The following PTPRA variants were observed in gnomAD, a reference collection of about 807,000 sequenced individuals.
PTPRA encodes receptor-type tyrosine-protein phosphatase alpha.
PTPRA carries 25 observed loss-of-function variants against 104.8 expected under a neutral mutation model. That is an observed-to-expected ratio of 0.24 (90% confidence interval 0.17 to 0.33). PTPRA has a LOEUF of 0.33. Ranked by LOEUF, PTPRA falls within the 10% of genes least tolerant of loss-of-function variation. PTPRA has a pLI of 1.00. For synonymous variants in PTPRA, 323 were observed against 368.9 expected (o/e 0.88, Z 1.43); for missense variants, 765 against 1,015.3 (o/e 0.75, Z 3.35).
In PTPRA at chr20:3,037,769, C is replaced by T. The variant is rs557917398; in HGVS notation, c.2335-290C>T. On this transcript the variant is annotated intron_variant, in intron 23 of 23. Transcript: ENST00000399903. This position sits in a 1 kb window ranked among gnomAD's most constrained non-coding sequence, Gnocchi z 4.3. ...ATGCTAGCCTGGCAGCCATGGTAAG[C>T]GTGGGCCATGCTCAGCTGCACTGTC... Among the ~76,000 whole-genome samples, 4 of 152,268 alleles carry T rather than the reference C, an allele frequency of 2.6e-5. No individual in the cohort carries two copies. The highest frequency in any genetic ancestry group is 9.6e-5 in the African/African-American group (4 of 41,546).
At chr20:2,980,208 G>C (rs1023745473) in intron 6 of PTPRA, among the ~76,000 whole-genome samples, 1 of 151,880 alleles carries the variant, frequency 6.6e-6, no homozygotes, top group Admixed American at 6.5e-5. Flanking sequence ...CACCATGCCC[G>C]GCCAGTTTTT....
At chr20:2,905,758 C>T (rs534984496) in intron 1 of PTPRA, among the ~76,000 whole-genome samples, 2 of 140,428 alleles carry the variant, frequency 1.4e-5, no homozygotes, top group African/African-American at 5.3e-5. Flanking sequence ...GGTCTCAGCT[C>T]ACCACAACCT....
At position 3,026,652 on chromosome 20, in the gene PTPRA, G is replaced by A. The variant is rs781181560; in HGVS notation, c.1615-35G>A. On this transcript the variant is annotated intron_variant, in intron 17 of 23. Coordinates refer to ENST00000399903, the MANE Select transcript of PTPRA (RefSeq NM_001385305.1). ...TAATCTTGTCAAGTTCAGTTACTGGGATCAGTAATGTTTCCCCTCCCCTTC... is the reference window on the plus strand; with the variant it reads ...TAATCTTGTCAAGTTCAGTTACTGGAATCAGTAATGTTTCCCCTCCCCTTC... 34 of 1,504,458 alleles carry A rather than the reference G, an allele frequency of 2.3e-5. No individual in the cohort carries two copies. In the South Asian group the frequency reaches 3.5e-4, roughly 16 times the overall value. The allele number at this position is 1,504,458 out of a possible 1,614,324, so 93.2% of individuals were successfully genotyped here. A position where few individuals can be genotyped will look rare whatever the true frequency, so the allele number is the denominator to read the frequency against.
intron 11 of PTPRA, among the ~76,000 whole-genome samples, chr20:3,013,695 GC>G (rs2064294996): frequency 6.6e-6 from 1 of 152,092 alleles, no homozygotes; most frequent in Admixed American, 6.5e-5. Flanking sequence ...AGAGGCATGA[GC>G]CACCGCGCCC....
chr20:2,933,055 A>C (rs190904493), intron 2 of PTPRA, among the ~76,000 whole-genome samples: 82 of 152,378 alleles, frequency 5.4e-4, no homozygotes, highest in Non-Finnish European at 9.4e-4. Context: ...GGCACATGGC[A>C]TTATAGACTA....
intron 1 of PTPRA, among the ~76,000 whole-genome samples, chr20:2,895,924 G>A (rs1430251532): frequency 1.3e-5 from 2 of 152,024 alleles, no homozygotes; most frequent in Admixed American, 6.6e-5. Context: ...CGATATTTTG[G>A]TTCAGTTTTT....
At chr20:2,910,063 A>G (rs1426561059) in intron 1 of PTPRA, among the ~76,000 whole-genome samples, 31 of 123,606 alleles carry the variant, frequency 2.5e-4, no homozygotes, top group African/African-American at 1.0e-3. Flanking sequence ...CATATCATAT[A>G]TAATATATAT....
the PTPRA span, among the ~76,000 whole-genome samples, chr20:2,867,909 G>A: frequency 6.6e-6 from 1 of 152,218 alleles, no homozygotes; most frequent in Non-Finnish European, 1.5e-5. Context: ...TAAGTCAAAT[G>A]GTAAAATAAC....
At chr20:2,945,831 C>T (rs1280908060) in intron 2 of PTPRA, among the ~76,000 whole-genome samples, 1 of 151,520 alleles carries the variant, frequency 6.6e-6, no homozygotes, top group African/African-American at 2.4e-5. Context: ...CGAGAGGCTG[C>T]GGCATGACAG....
At chr20:2,927,681 G>A (rs1468294473) in intron 2 of PTPRA, among the ~76,000 whole-genome samples, 1 of 152,114 alleles carries the variant, frequency 6.6e-6, no homozygotes, top group Non-Finnish European at 1.5e-5. Flanking sequence ...CACTGATCTT[G>A]GATATCAGTC....
chr20:3,033,186 G>C (rs978937939), intron 20 of PTPRA, among the ~76,000 whole-genome samples: 5 of 151,812 alleles, frequency 3.3e-5, no homozygotes, highest in Admixed American at 3.3e-4. Context: ...TGCGTCTCTA[G>C]GCCAGTCACC....
In PTPRA at chr20:3,027,108, A is replaced by C; in HGVS notation, c.1709-13A>C. On this transcript the variant is annotated splice_polypyrimidine_tract_variant and intron_variant, in intron 18 of 23. Coordinates refer to ENST00000399903, the MANE Select transcript of PTPRA (RefSeq NM_001385305.1). ...TGATATTGGCTAGCCATAAGCCGCT[A>C]TTCTTCTTACAGATGAATTCAACAG... The C allele has an allele frequency of 6.2e-7, 1 of 1,613,686 alleles. No individual in the cohort carries two copies. Among genetic ancestry groups the C allele is most frequent in the African/African-American group, 1.3e-5 (1 of 75,036 alleles).
intron 10 of PTPRA, 81 bp downstream of exon 10, chr20:3,005,227 C>A: frequency 3.0e-6 from 4 of 1,325,622 alleles, no homozygotes; most frequent in Middle Eastern, 1.8e-4. Context: ...AAGAATCTTG[C>A]AATTGGGCAC....
chr20:2,874,335 C>G (rs929158596), intron 1 of PTPRA, among the ~76,000 whole-genome samples: 3 of 150,660 alleles, frequency 2.0e-5, no homozygotes, highest in Non-Finnish European at 4.4e-5. Context: ...TTTTTACTTT[C>G]GGTAAATAAA....
At chr20:2,979,506 G>A (rs1157893662) in intron 6 of PTPRA, among the ~76,000 whole-genome samples, 1 of 152,168 alleles carries the variant, frequency 6.6e-6, no homozygotes, top group Non-Finnish European at 1.5e-5. Flanking sequence ...AGTTATATCA[G>A]TTCTCCTATT....
At chr20:2,986,934 T>C (rs1413579753) in intron 7 of PTPRA, 85 bp downstream of exon 7, 1 of 1,191,858 alleles carries the variant, frequency 8.4e-7, no homozygotes, top group East Asian at 2.3e-5. Context: ...CAGTAGACAG[T>C]AGGATATACA....
chr20:2,873,318 C>A (rs1229505650), upstream of PTPRA: 1 of 152,210 alleles, frequency 6.6e-6, no homozygotes, highest in Non-Finnish European at 1.5e-5. The surrounding 1 kb of genome is among the most constrained non-coding windows in gnomAD (Gnocchi z 4.4). Flanking sequence ...CCCTCTGGAG[C>A]TACCAGGAGA....
rs186490942 is a variant in PTPRA at position 2,999,888 on chromosome 20, A to G, written c.739-5168A>G. 1.6e-3 allele frequency among the ~76,000 whole-genome samples: 246 copies of G among 152,356 alleles called. 1 individual carries two copies. The highest frequency in any genetic ancestry group is 5.5e-3 in the African/African-American group (228 of 41,588). ...AAAACCTCTGTTCATAAATGATACC[A>G]TAAAGAAGATGAAAGGGAAGGCCAC... On this transcript the variant is annotated intron_variant, in intron 9 of 23. Transcript: ENST00000399903.
At chr20:2,904,489 T>G (rs1480275840) in intron 1 of PTPRA, among the ~76,000 whole-genome samples, 1 of 151,614 alleles carries the variant, frequency 6.6e-6, no homozygotes, top group Non-Finnish European at 1.5e-5. Flanking sequence ...GCCAACATGG[T>G]GAAACTCCGT....
Sources: allele counts gnomAD v4.1 joint callset (sites outside exome capture counted in the v4.1 genomes callset), GRCh38; gene constraint gnomAD v4.1.1; non-coding constraint Gnocchi (gnomAD v3.1); transcripts MANE v1.5; gene names NCBI Gene and HGNC (gene_info 2026-07-23, HGNC 2026-07-21).